The following PLA2G6 variants were observed in gnomAD, a reference collection of about 807,000 sequenced individuals.
PLA2G6 encodes the protein phospholipase A2 group VI.
In PLA2G6, 62 loss-of-function variants were observed where a neutral mutation model predicts 83.8. The ratio of observed to expected loss-of-function variants is 0.74; its 90% confidence interval spans 0.60 to 0.91. PLA2G6 has a LOEUF of 0.91. Among genes scored for constraint, PLA2G6 ranks in the 40% least tolerant of loss-of-function variants. The pLI is 0.00. For missense variants in PLA2G6, 944 were observed against 1,102.0 expected, an observed-to-expected ratio of 0.86 and a Z score of 2.03; for synonymous variants, 417 against 449.8, an observed-to-expected ratio of 0.93 and a Z score of 0.92.
At chr22:38,152,794 G>A (rs1367829773) in intron 2 of PLA2G6, among the ~76,000 whole-genome samples, 2 of 152,184 alleles carry the variant, frequency 1.3e-5, no homozygotes, top group African/African-American at 4.8e-5. Context: ...ACTAAAAAGT[G>A]TATAACTTCC....
rs1188029227 is a variant in PLA2G6 at position 38,112,595 on chromosome 22, T to G, written c.2203-18A>C. On this transcript the variant is annotated intron_variant, in intron 15 of 16. Transcript: ENST00000332509. ...TCCGTGCACTGGTGAGAAGCAGCCTTGGTGAGTGCCGGGCCCACACCCCGC... is the reference window on the plus strand; with the variant it reads ...TCCGTGCACTGGTGAGAAGCAGCCTGGGTGAGTGCCGGGCCCACACCCCGC... 1 of 1,546,632 alleles carries G rather than the reference T, an allele frequency of 6.5e-7. No homozygotes were observed. The highest frequency in any genetic ancestry group is 2.4e-5 in the East Asian group (1 of 40,868).
chr22:38,179,967 G>A (rs904854586), intron 1 of PLA2G6, among the ~76,000 whole-genome samples: 10 of 151,918 alleles, frequency 6.6e-5, no homozygotes, highest in Admixed American at 4.6e-4. Context: ...ATCCGAAAAC[G>A]AGAAGAGGCA....
intron 9 of PLA2G6, chr22:38,126,650 G>A: frequency 1.7e-6 from 1 of 598,510 alleles, no homozygotes; most frequent in Non-Finnish European, 3.1e-6. Context: ...GGAGAGAAAT[G>A]GGCTGGAGTG....
chr22:38,115,940 C>T, intron 13 of PLA2G6, 135 bp downstream of exon 13: 1 of 1,467,630 alleles, frequency 6.8e-7, no homozygotes, highest in Non-Finnish European at 9.3e-7. Flanking sequence ...CTGTCCTCAG[C>T]CAATAAAGAC....
chr22:38,132,077 T>C lies in PLA2G6; in HGVS notation c.1077+754A>G, dbSNP rs11570685. 2,721 of 452,334 alleles carry C rather than the reference T, an allele frequency of 6.0e-3. 70 individuals carry two copies. The highest frequency in any genetic ancestry group is 0.05 in the African/African-American group (2,505 of 49,888). 28.0% of individuals were successfully genotyped at this position (452,334 alleles called of 1,614,324 possible). A position where few individuals can be genotyped will look rare whatever the true frequency, so the allele number is the denominator to read the frequency against. ...TTGTGGTGAGCCGAGATCGCGCCAC[T>C]GCACTCCAGCCTGGGCGACAGTGCG... On this transcript the variant is annotated intron_variant, in intron 7 of 16. Coordinates refer to ENST00000332509, the MANE Select transcript of PLA2G6 (RefSeq NM_003560.4). This position sits in a 1 kb window ranked among gnomAD's most constrained non-coding sequence, Gnocchi z 5.0.
chr22:38,121,473 G>T (rs1388747848), intron 11 of PLA2G6, among the ~76,000 whole-genome samples: 1 of 152,228 alleles, frequency 6.6e-6, no homozygotes, highest in Non-Finnish European at 1.5e-5. Flanking sequence ...ATAAAAGCTA[G>T]ACCCACGTTG....
chr22:38,127,235 G>A lies in PLA2G6; in HGVS notation c.1349-786C>T, dbSNP rs11570704. The A allele has an allele frequency of 2.4e-3, 2,852 of 1,213,088 alleles. 66 individuals are homozygous for A. In the African/African-American group the frequency reaches 0.041, roughly 17 times the overall value. The allele number at this position is 1,213,088 out of a possible 1,614,324, so 75.1% of individuals were successfully genotyped here. ...GTGTCTCCCCCTCCCCAGGGCACAC[G>A]GCTCCACAGTGAACAAGGGAAGCAG... On this transcript the variant is annotated intron_variant, in intron 9 of 16. Coordinates refer to ENST00000332509, the MANE Select transcript of PLA2G6 (RefSeq NM_003560.4).
At chr22:38,141,677 T>A (rs1021019521) in intron 4 of PLA2G6, 1 of 152,186 alleles carries the variant, frequency 6.6e-6, no homozygotes, top group Admixed American at 6.5e-5. Flanking sequence ...AAGAATTAAC[T>A]GGAACACATA....
chr22:38,178,652 G>T (rs2090728735), intron 1 of PLA2G6, among the ~76,000 whole-genome samples: 1 of 152,076 alleles, frequency 6.6e-6, no homozygotes, highest in South Asian at 2.1e-4. Context: ...ATCACTTGAG[G>T]TCAAGAGTTC....
chr22:38,147,313 G>A (rs985560041), intron 2 of PLA2G6: 1 of 166,480 alleles, frequency 6.0e-6, no homozygotes, highest in African/African-American at 2.4e-5. Flanking sequence ...GTTCTGACCA[G>A]GGCTTTTAAC....
chr22:38,155,340 TA>T (rs1366269940), intron 2 of PLA2G6, among the ~76,000 whole-genome samples: 2 of 151,942 alleles, frequency 1.3e-5, no homozygotes, highest in East Asian at 3.9e-4. Context: ...TAATGAGCAA[TA>T]AGAAATCACT....
chr22:38,116,190 C>G lies in PLA2G6; in HGVS notation c.1764G>C (p.Leu588=). 1.2e-6 allele frequency: 2 copies of G among 1,614,098 alleles called. No homozygotes were observed. The highest frequency in any genetic ancestry group is 8.5e-7 in the Non-Finnish European group (1 of 1,180,016). Residue 588 remains leucine (L), a synonymous_variant, in exon 13 of 17, where the codon CTG becomes CTC. Coordinates refer to ENST00000332509, the MANE Select transcript of PLA2G6 (RefSeq NM_003560.4). ...GGAGTTCAGCCGGCTGCCGGTCAGA[C>G]AGTGTCCCTGTCAGCATCACCCTGG... The part of the protein sequence containing the change: ...RKPKVMLTGT[L]SDRQPAELHL...
At position 38,112,274 on chromosome 22, in the gene PLA2G6, G is replaced by T. The variant is rs765356472; in HGVS notation, c.2308C>A (p.Leu770Met). 3 of 1,613,552 alleles carry T rather than the reference G, an allele frequency of 1.9e-6. No homozygotes were observed. In the Admixed American group the frequency reaches 5.0e-5, roughly 27 times the overall value. ...LNPQLGTDIM[L>M]DEVSDTVLVN... ...AGCACTGTGTCACTGACCTCATCCA[G>T]CATGATGTCCGTCCCCAGCTGGGGG... The change falls in exon 17 of 17, where the codon CTG (leucine) becomes ATG (methionine). Residue 770 changes from leucine (L) to methionine (M), a missense_variant. By Grantham distance (15) the Leu-to-Met change is conservative. Transcript: ENST00000332509.
intron 1 of PLA2G6, among the ~76,000 whole-genome samples, chr22:38,171,149 G>A (rs1413841442): frequency 7.6e-5 from 11 of 143,866 alleles, no homozygotes; most frequent in Non-Finnish European, 3.0e-5. Flanking sequence ...TCCAGCCTGG[G>A]CAACAAGAGC....
chr22:38,126,026 G>A (rs143948751), intron 10 of PLA2G6, among the ~76,000 whole-genome samples: 8 of 152,280 alleles, frequency 5.3e-5, no homozygotes, highest in Non-Finnish European at 1.0e-4. Flanking sequence ...TAGGAGCAGT[G>A]GGAAGCAGCT....
intron 2 of PLA2G6, among the ~76,000 whole-genome samples, chr22:38,167,564 C>T (rs1048211038): frequency 6.6e-6 from 1 of 152,188 alleles, no homozygotes; most frequent in East Asian, 1.9e-4. Context: ...AAGCCTGCCC[C>T]GTCCAGGGTC....
Position 38,111,875 on chromosome 22 carries a change from T to G in PLA2G6, c.*286A>C. ...CGGTTGTGCCCGGGTACCCTTAATG[T>G]TTGAGCTGATGGGGGAGTCAGTTGT... is the stretch of plus-strand genomic sequence containing the variant. On this transcript the variant is annotated 3_prime_UTR_variant, in exon 17 of 17. Coordinates refer to ENST00000332509, the MANE Select transcript of PLA2G6 (RefSeq NM_003560.4). The G allele has an allele frequency of 4.2e-6, 2 of 480,342 alleles. No homozygotes were observed. Among genetic ancestry groups the G allele is most frequent in the Non-Finnish European group, 7.7e-6 (2 of 260,154 alleles). 29.8% of individuals were successfully genotyped at this position (480,342 alleles called of 1,614,324 possible).
At chr22:38,141,205 A>AT (rs1020950462) in intron 4 of PLA2G6, 2 of 152,000 alleles carry the variant, frequency 1.3e-5, no homozygotes, top group African/African-American at 4.8e-5. Flanking sequence ...AAAAAAAAAA[A>AT]AATTAGCCCA....
intron 10 of PLA2G6, among the ~76,000 whole-genome samples, chr22:38,125,938 G>A (rs5995537): frequency 9.2e-5 from 14 of 152,334 alleles, no homozygotes; most frequent in African/African-American, 3.4e-4. Flanking sequence ...CTCTTACAAT[G>A]GGACTAGGTA....
Sources: allele counts gnomAD v4.1 joint callset (sites outside exome capture counted in the v4.1 genomes callset), GRCh38; gene constraint gnomAD v4.1.1; non-coding constraint Gnocchi (gnomAD v3.1); transcripts MANE v1.5; gene names NCBI Gene and HGNC (gene_info 2026-07-23, HGNC 2026-07-21).